Variants in PDE4B observed in about 807,000 individuals in gnomAD.
PDE4B encodes phosphodiesterase 4B, also known as 3',5'-cyclic-AMP phosphodiesterase 4B.
PDE4B carries 20 observed loss-of-function variants against 82.2 expected under a neutral mutation model. The ratio of observed to expected loss-of-function variants is 0.24; its 90% CI spans 0.17 to 0.35. The LOEUF (loss-of-function observed/expected upper bound fraction) is 0.35. Ranked by LOEUF, PDE4B falls within the 10% of genes least tolerant of loss-of-function variation. The pLI, the probability that PDE4B is intolerant of heterozygous loss-of-function variation, is 1.00. For synonymous variants in PDE4B, 320 were observed against 318.9 expected (o/e 1.00, Z -0.04); for missense variants, 655 against 907.2 (o/e 0.72, Z 3.57).
intron 3 of PDE4B, among the ~76,000 whole-genome samples, chr1:66,145,356 G>C (rs1646249106): frequency 6.6e-6 from 1 of 152,172 alleles, no homozygotes; most frequent in Admixed American, 6.5e-5. Context: ...GATAGTATTA[G>C]AGTCCAAGAG....
intron 3 of PDE4B, among the ~76,000 whole-genome samples, chr1:66,040,511 G>A (rs768357433): frequency 1.3e-5 from 2 of 151,862 alleles, no homozygotes; most frequent in Non-Finnish European, 2.9e-5. Context: ...TATAAGCTAG[G>A]CACCTAGGAA....
chr1:66,010,461 T>G (rs1652422311), intron 3 of PDE4B, among the ~76,000 whole-genome samples: 1 of 151,962 alleles, frequency 6.6e-6, no homozygotes, highest in Admixed American at 6.6e-5. Flanking sequence ...GGAAAATAAC[T>G]CATCTAGTCT....
intron 3 of PDE4B, among the ~76,000 whole-genome samples, chr1:66,055,524 T>C (rs1292811654): frequency 2.6e-5 from 4 of 152,240 alleles, no homozygotes; most frequent in Non-Finnish European, 1.5e-5. Context: ...CTTTCAATAC[T>C]CTGATGAGAT....
At chr1:66,129,902 C>T (rs1001207221) in intron 3 of PDE4B, among the ~76,000 whole-genome samples, 1 of 152,122 alleles carries the variant, frequency 6.6e-6, no homozygotes, top group Admixed American at 6.6e-5. Context: ...GTTTTTAATG[C>T]AAATTCCATG....
At chr1:66,285,838 A>G (rs1440207184) in intron 7 of PDE4B, among the ~76,000 whole-genome samples, 3 of 152,184 alleles carry the variant, frequency 2.0e-5, no homozygotes, top group African/African-American at 7.2e-5. Flanking sequence ...AGGCACTGTC[A>G]GGAAGAAAGA....
At chr1:66,238,737 G>T (rs1265344718) in intron 3 of PDE4B, among the ~76,000 whole-genome samples, 1 of 151,312 alleles carries the variant, frequency 6.6e-6, no homozygotes, top group East Asian at 1.9e-4. Context: ...GAGTGAGTAG[G>T]TGGTTGGGAG....
chr1:65,900,943 A>C (rs1021622941), intron 1 of PDE4B, among the ~76,000 whole-genome samples: 2 of 151,906 alleles, frequency 1.3e-5, no homozygotes, highest in Admixed American at 6.6e-5. Context: ...GATAACTTTT[A>C]TTTCTTTCTT....
At chr1:66,097,505 T>G (rs577189778) in intron 3 of PDE4B, among the ~76,000 whole-genome samples, 3 of 152,226 alleles carry the variant, frequency 2.0e-5, no homozygotes, top group South Asian at 4.1e-4. Flanking sequence ...ACACTGGATA[T>G]GATAGTTTCT....
intron 3 of PDE4B, among the ~76,000 whole-genome samples, chr1:66,201,806 T>G (rs2101535910): frequency 6.6e-6 from 1 of 152,180 alleles, no homozygotes; most frequent in South Asian, 2.1e-4. Flanking sequence ...GCTCCTGGAT[T>G]CATTGATTTT....
At chr1:65,916,367 A>G (rs1347766967) in intron 2 of PDE4B, among the ~76,000 whole-genome samples, 1 of 152,182 alleles carries the variant, frequency 6.6e-6, no homozygotes, top group African/African-American at 2.4e-5. Flanking sequence ...GTACCCATTT[A>G]GGTCACTTAC....
chr1:66,314,820 T>C (rs1000532399), intron 7 of PDE4B, among the ~76,000 whole-genome samples: 12 of 152,242 alleles, frequency 7.9e-5, no homozygotes, highest in Non-Finnish European at 1.5e-5. Context: ...GCCTGGCTTG[T>C]AATTCAGCTT....
At chr1:66,139,557 G>T (rs1405615324) in intron 3 of PDE4B, among the ~76,000 whole-genome samples, 2 of 151,970 alleles carry the variant, frequency 1.3e-5, no homozygotes, top group African/African-American at 4.8e-5. Context: ...CTATCATAAG[G>T]TCTGTAACCT....
chr1:65,824,846 A>G (rs1645996714), intron 1 of PDE4B, among the ~76,000 whole-genome samples: 1 of 152,088 alleles, frequency 6.6e-6, no homozygotes, highest in Admixed American at 6.6e-5. Flanking sequence ...GGCAATAAGG[A>G]GGTCCAGCTT....
intron 7 of PDE4B, among the ~76,000 whole-genome samples, chr1:66,310,536 AC>A (rs1412497470): frequency 1.4e-4 from 22 of 152,064 alleles, no homozygotes; most frequent in Non-Finnish European, 2.9e-4. Context: ...TTTCTAGGAT[AC>A]CCTCTTCTCA....
chr1:66,030,747 G>T (rs1462505542), intron 3 of PDE4B, among the ~76,000 whole-genome samples: 1 of 152,110 alleles, frequency 6.6e-6, no homozygotes, highest in Non-Finnish European at 1.5e-5. Flanking sequence ...AAGAAAAGTG[G>T]TACATATACA....
At chr1:65,959,525 G>C (rs1461448152) in intron 3 of PDE4B, among the ~76,000 whole-genome samples, 1 of 151,952 alleles carries the variant, frequency 6.6e-6, no homozygotes, top group African/African-American at 2.4e-5. Context: ...TGGGAGGTGA[G>C]AGTGCAAAAA....
intron 3 of PDE4B, among the ~76,000 whole-genome samples, chr1:66,157,712 G>C (rs548656433): frequency 6.6e-6 from 1 of 152,098 alleles, no homozygotes; most frequent in East Asian, 1.9e-4. Flanking sequence ...TCTCTCAGTG[G>C]AATATAATTC....
intron 3 of PDE4B, among the ~76,000 whole-genome samples, chr1:66,098,096 T>C (rs534187792): frequency 7.9e-5 from 12 of 152,236 alleles, no homozygotes; most frequent in African/African-American, 2.9e-4. Context: ...TAACTCTATG[T>C]AAGCTCTGAC....
intron 1 of PDE4B, among the ~76,000 whole-genome samples, chr1:65,830,167 G>T (rs1646065865): frequency 6.6e-6 from 1 of 152,096 alleles, no homozygotes; most frequent in African/African-American, 2.4e-5. Context: ...ATTTGAGCAA[G>T]AAAATAAATT....
Sources: gnomAD v4.1 joint callset for allele counts (sites outside exome capture counted in the v4.1 genomes callset) on GRCh38, gnomAD v4.1.1 for gene constraint, MANE v1.5 for transcripts, NCBI Gene and HGNC (gene_info 2026-07-23, HGNC 2026-07-21) for gene names.